The following MUC5B variants were observed in gnomAD, a reference collection of about 807,000 sequenced individuals.
MUC5B encodes mucin-5B.
In MUC5B, 116 loss-of-function variants were observed where a neutral mutation model predicts 376.9. The ratio of observed to expected loss-of-function variants is 0.31; its 90% CI spans 0.26 to 0.36. MUC5B has a LOEUF of 0.36. MUC5B is among the 10% of genes least tolerant of loss of function. MUC5B has a pLI of 1.00. For missense variants in MUC5B, 7,165 were observed against 7,769.9 expected, an observed-to-expected ratio of 0.92 and a Z score of 2.93; for synonymous variants, 3,517 against 3,390.9, an observed-to-expected ratio of 1.04 and a Z score of -1.29.
At chr11:1,227,468 G>C in intron 6 of MUC5B, 70 bp downstream of exon 6, 1 of 1,260,672 alleles carries the variant, frequency 7.9e-7, no homozygotes, top group Non-Finnish European at 1.1e-6. Context: ...GTCCCGGGGA[G>C]GCCGGGAGGG....
In MUC5B at chr11:1,243,206, C is replaced by T. The variant is rs1438587158; in HGVS notation, c.6326C>T (p.Thr2109Ile). The T allele has an allele frequency of 4.4e-6, 7 of 1,588,248 alleles. 1 individual carries two copies. In the South Asian group the frequency reaches 5.6e-5, roughly 13 times the overall value. ...ACCGCCACAGTGCTGACCACCACCA[C>T]CACAACTGTGGCCACTGGTTCTATG... is the stretch of plus-strand genomic sequence containing the variant. Reference protein sequence around the residue: ...THTATVLTTTTTTVATGSMAT... With the variant: ...THTATVLTTTITTVATGSMAT... Residue 2109 changes from threonine to isoleucine, a missense_variant, in exon 31 of 49, where the codon ACC (threonine) becomes ATC (isoleucine). Physicochemically the swap from Thr to Ile is moderately conservative, Grantham distance 89 (BLOSUM62 -1). Transcript: ENST00000529681.
chr11:1,249,901 A>G lies in MUC5B; in HGVS notation c.13021A>G (p.Thr4341Ala), dbSNP rs776950214. The change falls in exon 31 of 49, where the codon ACC becomes GCC. Residue 4341 changes from threonine (T) to alanine (A), a missense_variant. Thr to Ala is a moderately conservative substitution (Grantham distance 58, BLOSUM62 0). Around this residue, in one of 31 missense-constraint regions of MUC5B, gnomAD observed 431 missense variants for 390.4 expected, o/e 1.10. Coordinates refer to ENST00000529681, the MANE Select transcript of MUC5B (RefSeq NM_002458.3). ...GACCACCGGGACCCTCCCAGAACAGACCACCACACCCGTGGCCACCATGTC... is the reference window on the plus strand; with the variant it reads ...GACCACCGGGACCCTCCCAGAACAGGCCACCACACCCGTGGCCACCATGTC... Reference protein sequence around the residue: ...LGTTGTLPEQTTTPVATMSTI... With the variant: ...LGTTGTLPEQATTPVATMSTI... 1.2e-6 allele frequency: 2 copies of G among 1,611,232 alleles called. No homozygotes were observed. Among genetic ancestry groups the G allele is most frequent in the South Asian group, 2.2e-5 (2 of 90,954 alleles).
rs762036759 is a variant in MUC5B, at chr11:1,239,701, C to T, written c.3584-98C>T. 5.9e-4 allele frequency: 878 copies of T among 1,490,714 alleles called. 1 individual carries two copies. Among genetic ancestry groups the T allele is most frequent in the Non-Finnish European group, 7.3e-4 (817 of 1,119,632 alleles). The allele number at this position is 1,490,714 out of a possible 1,614,324, so 92.3% of individuals were successfully genotyped here. A position where few individuals can be genotyped will look rare whatever the true frequency, so the allele number is the denominator to read the frequency against. The stretch of plus-strand genomic sequence containing the variant: ...TGCAAGCCTTGAGGGCAGGCCCCTG[C>T]TGGCTGGTGGGGGGCGGCTACTCCC... On this transcript the variant is annotated intron_variant, in intron 27 of 48. Transcript: ENST00000529681.
Position 1,225,725 on chromosome 11 carries a change from A to C in MUC5B, c.115A>C (p.Thr39Pro). The C allele has an allele frequency of 6.2e-7, 1 of 1,606,144 alleles. No individual in the cohort carries two copies. The highest frequency in any genetic ancestry group is 8.5e-7 in the Non-Finnish European group (1 of 1,176,938). ...VEPSWENAGHTMDGGAPTSSP... is the reference protein window; with the variant it reads ...VEPSWENAGHPMDGGAPTSSP... ...GCCGAGCTGGGAGAATGCAGGGCAC[A>C]CCATGGATGGCGGTATGTGGCCAGG... Residue 39 changes from threonine (T) to proline (P), a missense_variant, in exon 2 of 49, where the codon ACC becomes CCC. By Grantham distance (38) the Thr-to-Pro change is conservative. This residue lies in a region of MUC5B where 640 missense variants were observed against 733.0 expected (regional missense o/e 0.87). Coordinates refer to ENST00000529681, the MANE Select transcript of MUC5B (RefSeq NM_002458.3).
chr11:1,234,946 C>A lies in MUC5B; in HGVS notation c.2631-139C>A. 1 of 1,267,306 alleles carries A rather than the reference C, an allele frequency of 7.9e-7. No individual in the cohort carries two copies. The highest frequency in any genetic ancestry group is 1.1e-6 in the Non-Finnish European group (1 of 944,926). 78.5% of individuals were successfully genotyped at this position (1,267,306 alleles called of 1,614,324 possible). On this transcript the variant is annotated intron_variant, in intron 21 of 48. Transcript: ENST00000529681. The surrounding 1 kb of genome is among the most constrained non-coding windows in gnomAD (Gnocchi z 6.3). ...CCTGCATTCACAGTGGGGGACACCACTTCTTCCACGGAGGAGGGGTCAGGC... is the reference window on the plus strand; with the variant it reads ...CCTGCATTCACAGTGGGGGACACCAATTCTTCCACGGAGGAGGGGTCAGGC...
Position 1,251,733 on chromosome 11 carries a change from T to G in MUC5B, c.14853T>G (p.Phe4951Leu). Reference sequence around the variant, plus strand: ...GCTTCTGCAGGGCATTTGGACAGTTTTTCTCGCCCGGTGAGTGCATGTGGA... The same window carrying G: ...GCTTCTGCAGGGCATTTGGACAGTTGTTCTCGCCCGGTGAGTGCATGTGGA... ...TPCFCRAFGQ[F>L]FSPGEVIYNK... Residue 4951 changes from phenylalanine to leucine, a missense_variant, in exon 31 of 49, where the codon TTT becomes TTG. Phe to Leu is a conservative substitution (Grantham distance 22). Around this residue, in one of 31 missense-constraint regions of MUC5B, gnomAD observed 730 missense variants for 592.7 expected, o/e 1.23. Coordinates refer to ENST00000529681, the MANE Select transcript of MUC5B (RefSeq NM_002458.3). The G allele has an allele frequency of 6.3e-7, 1 of 1,597,586 alleles. No homozygotes were observed.
chr11:1,228,511 G>A (rs1861940850), intron 7 of MUC5B, 53 bp from the exon 8 acceptor site: 1 of 1,449,812 alleles, frequency 6.9e-7, no homozygotes, highest in East Asian at 2.5e-5. Context: ...CCAGCACCGT[G>A]GCAGCCCCCA....
chr11:1,231,651 G>A (rs1307162886), intron 14 of MUC5B, 91 bp downstream of exon 14: 1 of 1,437,736 alleles, frequency 7.0e-7, no homozygotes, highest in South Asian at 1.4e-5. Context: ...GCAGAGGCGG[G>A]CAGGGGACCG....
rs763121378 is a variant in MUC5B at position 1,254,886 on chromosome 11, TG to T, written c.15664+9del. ...CAACACCGAGGGCCAGTGCGGTGAG[TG>T]GGCGGCGGGTCCTGCCCCGGCCAGG... On this transcript the variant is annotated splice_region_variant and intron_variant, in intron 35 of 48. Transcript: ENST00000529681. 6.3e-7 allele frequency: 1 copy of T among 1,577,724 alleles called. No individual in the cohort carries two copies. Among genetic ancestry groups the T allele is most frequent in the Non-Finnish European group, 8.6e-7 (1 of 1,164,068 alleles).
rs576723430 is a variant in MUC5B, at chr11:1,258,263, G to A, written c.16555+60G>A. Reference sequence around the variant, plus strand: ...TCTTGCTGGGGGTGGGGGAGTGCAGGATGGTGGGGGCGCTGGAGCACATGC... The same window carrying A: ...TCTTGCTGGGGGTGGGGGAGTGCAGAATGGTGGGGGCGCTGGAGCACATGC... On this transcript the variant is annotated intron_variant, in intron 42 of 48. Transcript: ENST00000529681. The surrounding 1 kb of genome is among the most constrained non-coding windows in gnomAD (Gnocchi z 5.5). 6.3e-7 allele frequency: 1 copy of A among 1,585,444 alleles called. No individual in the cohort carries two copies. The highest frequency in any genetic ancestry group is 8.6e-7 in the Non-Finnish European group (1 of 1,165,424).
chr11:1,241,967 G>A lies in MUC5B; in HGVS notation c.5087G>A (p.Arg1696His), dbSNP rs866768275. 1.0e-5 allele frequency: 16 copies of A among 1,601,834 alleles called. No homozygotes were observed. The highest frequency in any genetic ancestry group is 6.9e-5 in the Admixed American group (4 of 57,918). The change falls in exon 31 of 49, where the codon CGC becomes CAC. Residue 1696 changes from arginine to histidine, a missense_variant. Coordinates refer to ENST00000529681, the MANE Select transcript of MUC5B (RefSeq NM_002458.3). The stretch of plus-strand genomic sequence containing the variant: ...GTGGCCACATCCACCCTTCCAACAC[G>A]CTCAGCCCTTCCAGGGACGACGGGG... ...PGVATSTLPT[R>H]SALPGTTGSL...
chr11:1,230,789 C>G, intron 12 of MUC5B, 147 bp from the exon 13 acceptor site: 1 of 964,984 alleles, frequency 1.0e-6, no homozygotes. Flanking sequence ...CCCGGGGGGG[C>G]AATTGCAGAG....
chr11:1,240,762 TG>T, intron 30 of MUC5B, 88 bp from the exon 31 acceptor site: 4 of 1,263,918 alleles, frequency 3.2e-6, no homozygotes, highest in Non-Finnish European at 4.3e-6. Context: ...GGGCCAGCCC[TG>T]GGGAAAGGGT....
rs746826175 is a variant in MUC5B at position 1,258,050 on chromosome 11, G to A, written c.16451-49G>A. On this transcript the variant is annotated intron_variant, in intron 41 of 48. Coordinates refer to ENST00000529681, the MANE Select transcript of MUC5B (RefSeq NM_002458.3). This position sits in a 1 kb window ranked among gnomAD's most constrained non-coding sequence, Gnocchi z 5.5. Reference sequence around the variant, plus strand: ...CGACTTACTCTGGGAACAAGTGGTCGGGAGGAGGAGTGAGCAGCGCCCAGA... The same window carrying A: ...CGACTTACTCTGGGAACAAGTGGTCAGGAGGAGGAGTGAGCAGCGCCCAGA... 4.7e-6 allele frequency: 7 copies of A among 1,498,254 alleles called. No homozygotes were observed. Among genetic ancestry groups the A allele is most frequent in the African/African-American group, 2.8e-5 (2 of 72,036 alleles). The allele number at this position is 1,498,254 out of a possible 1,614,324, so 92.8% of individuals were successfully genotyped here.
chr11:1,242,367 G>C lies in MUC5B; in HGVS notation c.5487G>C (p.Glu1829Asp). ...TGTGCTGGGCACCAAAGAGCATAGA[G>C]TGCCGGGCGGAGAACTACCCCGAGG... The part of the protein sequence containing the change: ...GKMCWAPKSI[E>D]CRAENYPEVS... Residue 1829 changes from glutamate (E) to aspartate (D), a missense_variant, in exon 31 of 49, where the codon GAG (glutamate) becomes GAC (aspartate). Glu to Asp is a conservative substitution (Grantham distance 45). Coordinates refer to ENST00000529681, the MANE Select transcript of MUC5B (RefSeq NM_002458.3). The C allele has an allele frequency of 6.2e-7, 1 of 1,613,898 alleles. No individual in the cohort carries two copies. Among genetic ancestry groups the C allele is most frequent in the Non-Finnish European group, 8.5e-7 (1 of 1,179,864 alleles).
intron 15 of MUC5B, 132 bp downstream of exon 15, chr11:1,232,292 A>G (rs1294357449): frequency 2.2e-6 from 3 of 1,352,564 alleles, no homozygotes; most frequent in East Asian, 5.1e-5. Flanking sequence ...CATCAGGAGG[A>G]GGTGCTTGGG....
intron 25 of MUC5B, among the ~76,000 whole-genome samples, chr11:1,238,530 A>G (rs1862203320): frequency 6.6e-6 from 1 of 152,206 alleles, no homozygotes; most frequent in Non-Finnish European, 1.5e-5. Context: ...TGTGGGCCAC[A>G]TGACCAGATC....
chr11:1,230,852 G>T, intron 12 of MUC5B, 84 bp from the exon 13 acceptor site: 1 of 1,486,410 alleles, frequency 6.7e-7, no homozygotes, highest in South Asian at 1.2e-5. Context: ...CCCAGTGGGG[G>T]CCCCTGGGCA....
At chr11:1,235,494 C>T in intron 23 of MUC5B, 81 bp downstream of exon 23, 3 of 1,212,620 alleles carry the variant, frequency 2.5e-6, no homozygotes, top group Non-Finnish European at 3.6e-6. Context: ...GAGGCTTTAG[C>T]TGCACCCACA....
Sources: gnomAD v4.1 joint callset for allele counts (sites outside exome capture counted in the v4.1 genomes callset) on GRCh38, gnomAD v4.1.1 for gene constraint, gnomAD v4.1.1 regional missense constraint, Gnocchi (gnomAD v3.1) non-coding constraint, MANE v1.5 for transcripts, NCBI Gene and HGNC (gene_info 2026-07-23, HGNC 2026-07-21) for gene names.